CSMD1: variants seen among roughly 807,000 people sequenced by gnomAD.
CSMD1 encodes CUB and Sushi multiple domains 1, also known as CUB and sushi domain-containing protein 1.
Under a neutral mutation model 417.5 loss-of-function variants are expected in CSMD1, and 213 were observed. The observed-to-expected ratio is 0.51, with a 90% confidence interval of 0.46 to 0.57. The LOEUF (loss-of-function observed/expected upper bound fraction) is 0.57. Ranked by LOEUF, CSMD1 falls within the 20% of genes least tolerant of loss-of-function variation. The probability of loss-of-function intolerance (pLI) is 0.00; values close to 1 mark genes in which losing one functional copy is unlikely to be tolerated. For synonymous variants in CSMD1, 2,862 were observed against 1,736.8 expected (o/e 1.65, Z -16.11); for missense variants, 6,923 against 4,529.7 (o/e 1.53, Z -15.17).
intron 6 of CSMD1, among the ~76,000 whole-genome samples, chr8:3,752,866 A>G (rs915099216): frequency 6.6e-6 from 1 of 152,020 alleles, no homozygotes; most frequent in Non-Finnish European, 1.5e-5. Flanking sequence ...TTGTTTCTCT[A>G]CTGGTCATCC....
chr8:3,158,568 G>T (rs930259643), intron 38 of CSMD1, among the ~76,000 whole-genome samples: 2 of 151,656 alleles, frequency 1.3e-5, no homozygotes, highest in African/African-American at 2.4e-5. Flanking sequence ...ATCACTCAGG[G>T]TCTCTTTACC....
At chr8:3,862,466 T>G (rs967020542) in intron 5 of CSMD1, among the ~76,000 whole-genome samples, 3 of 152,210 alleles carry the variant, frequency 2.0e-5, no homozygotes, top group Non-Finnish European at 1.5e-5. Flanking sequence ...AATTCAAATG[T>G]GAGCCTTTCG....
intron 2 of CSMD1, among the ~76,000 whole-genome samples, chr8:4,470,858 G>A (rs531811832): frequency 2.6e-5 from 4 of 152,072 alleles, no homozygotes; most frequent in East Asian, 3.9e-4. Flanking sequence ...TTTTTTTTGA[G>A]TTATGTAAAA....
intron 26 of CSMD1, among the ~76,000 whole-genome samples, chr8:3,263,424 A>G (rs1047425122): frequency 2.6e-5 from 4 of 152,174 alleles, no homozygotes; most frequent in African/African-American, 9.7e-5. Flanking sequence ...TTACAGTTGT[A>G]TTCTAATTCC....
In CSMD1 at chr8:4,534,836, C is replaced by T. The variant is rs1396778206; in HGVS notation, c.302+102506G>A. On this transcript the variant is annotated intron_variant, in intron 2 of 69. Coordinates refer to ENST00000635120, the MANE Select transcript of CSMD1 (RefSeq NM_033225.6). Reference sequence around the variant, plus strand: ...GGAGTGCAGTAGTGTGATCTCAGCTCGATGCAAGCTCCGCCTCCCGGGTTC... The same window carrying T: ...GGAGTGCAGTAGTGTGATCTCAGCTTGATGCAAGCTCCGCCTCCCGGGTTC... Among the ~76,000 whole-genome samples the T allele has an allele frequency of 4.6e-5, 7 of 152,070 alleles. No individual in the cohort carries two copies. The East Asian group carries it at 7.7e-4, about 17-fold the overall frequency.
intron 3 of CSMD1, among the ~76,000 whole-genome samples, chr8:4,204,719 A>T (rs1384727112): frequency 1.3e-5 from 2 of 152,156 alleles, no homozygotes; most frequent in Non-Finnish European, 2.9e-5. Flanking sequence ...CAGCAGTCAG[A>T]TCATAGCTCA....
chr8:3,912,198 C>T (rs1420146504), intron 5 of CSMD1, among the ~76,000 whole-genome samples: 5 of 152,062 alleles, frequency 3.3e-5, no homozygotes, highest in Admixed American at 1.3e-4. Flanking sequence ...TCAGAGAAAT[C>T]GTTTTCTAAC....
intron 3 of CSMD1, among the ~76,000 whole-genome samples, chr8:4,230,302 CAATT>C (rs1157930449): frequency 1.3e-5 from 2 of 152,142 alleles, no homozygotes; most frequent in African/African-American, 2.4e-5. Flanking sequence ...ATTTAATCCT[CAATT>C]AATCTATCCA....
intron 2 of CSMD1, among the ~76,000 whole-genome samples, chr8:4,601,233 G>T (rs190635312): frequency 6.6e-6 from 1 of 152,304 alleles, no homozygotes; most frequent in Non-Finnish European, 1.5e-5. Flanking sequence ...CGGGATTACA[G>T]GCGTGAGCCA....
intron 3 of CSMD1, among the ~76,000 whole-genome samples, chr8:4,159,146 C>G (rs899842461): frequency 2.0e-5 from 3 of 152,120 alleles, no homozygotes; most frequent in African/African-American, 4.8e-5. Flanking sequence ...GAACTCCCAA[C>G]TTCAGGTAAT....
Position 4,033,169 on chromosome 8 carries a change from G to A in CSMD1, c.416-1070C>T, listed in dbSNP as rs181303483. The stretch of plus-strand genomic sequence containing the variant: ...AAAAAAAAAAAACCTGGCCAGGCAC[G>A]GTAGCTCACGCCTGTAGTCCCAGCA... On this transcript the variant is annotated intron_variant, in intron 3 of 69. Coordinates refer to ENST00000635120, the MANE Select transcript of CSMD1 (RefSeq NM_033225.6). 1.8e-3 allele frequency among the ~76,000 whole-genome samples: 256 copies of A among 144,712 alleles called. 1 individual carries two copies. The highest frequency in any genetic ancestry group is 6.6e-3 in the East Asian group (32 of 4,864). 94.9% of individuals were successfully genotyped at this position (144,712 alleles called of 152,430 possible). A position where few individuals can be genotyped will look rare whatever the true frequency, so the allele number is the denominator to read the frequency against.
chr8:4,929,655 T>A (rs1044179222), intron 1 of CSMD1, among the ~76,000 whole-genome samples: 1 of 152,270 alleles, frequency 6.6e-6, no homozygotes. Flanking sequence ...AACTGACACA[T>A]CATTCTACAC....
intron 3 of CSMD1, among the ~76,000 whole-genome samples, chr8:4,069,357 C>T (rs1799425616): frequency 6.6e-6 from 1 of 152,100 alleles, no homozygotes; most frequent in African/African-American, 2.4e-5. Context: ...GGTAGTTGAA[C>T]CACTGGTGAT....
chr8:4,052,261 C>T (rs1270150422), intron 3 of CSMD1, among the ~76,000 whole-genome samples: 2 of 152,180 alleles, frequency 1.3e-5, no homozygotes, highest in Non-Finnish European at 2.9e-5. Flanking sequence ...GGAGTCCAGA[C>T]AGGGCACAGC....
chr8:4,137,601 A>T (rs1803515627), intron 3 of CSMD1, among the ~76,000 whole-genome samples: 1 of 131,774 alleles, frequency 7.6e-6, no homozygotes, highest in Non-Finnish European at 1.8e-5. Context: ...GGTTTGTAAG[A>T]TACAAAAAAG....
At chr8:3,608,228 G>A (rs376776334) in intron 8 of CSMD1, among the ~76,000 whole-genome samples, 2 of 151,912 alleles carry the variant, frequency 1.3e-5, no homozygotes, top group African/African-American at 2.4e-5. Context: ...AAGGTGGGCA[G>A]GTGCCACCTG....
At chr8:4,680,903 T>C (rs1412772630) in intron 1 of CSMD1, among the ~76,000 whole-genome samples, 2 of 150,170 alleles carry the variant, frequency 1.3e-5, no homozygotes, top group East Asian at 4.0e-4. Flanking sequence ...CAATGTGATA[T>C]GATAAGCACA....
intron 8 of CSMD1, among the ~76,000 whole-genome samples, chr8:3,603,674 T>G (rs527821409): frequency 6.6e-6 from 1 of 152,234 alleles, no homozygotes; most frequent in Non-Finnish European, 1.5e-5. Flanking sequence ...AACTTGAATG[T>G]TTTTAAAATT....
intron 1 of CSMD1, among the ~76,000 whole-genome samples, chr8:4,795,694 G>T (rs1322243116): frequency 6.6e-6 from 1 of 152,056 alleles, no homozygotes; most frequent in African/African-American, 2.4e-5. Flanking sequence ...TGTGAACTGG[G>T]ATCCGCAGAT....
Sources: allele counts gnomAD v4.1 joint callset (sites outside exome capture counted in the v4.1 genomes callset), GRCh38; gene constraint gnomAD v4.1.1; transcripts MANE v1.5; gene names NCBI Gene and HGNC (gene_info 2026-07-23, HGNC 2026-07-21).